Variants in GRIA3 observed in about 807,000 individuals in gnomAD.
The protein encoded by GRIA3 is glutamate ionotropic receptor AMPA type subunit 3.
In GRIA3, 3 loss-of-function variants were observed where a neutral mutation model predicts 63.0. The ratio of observed to expected loss-of-function variants is 0.05; its 90% CI spans 0.02 to 0.12. The LOEUF (loss-of-function observed/expected upper bound fraction) is 0.12, where lower values mean the gene tolerates loss of function less well. Among genes scored for constraint, GRIA3 ranks in the 10% least tolerant of loss-of-function variants. The pLI is 1.00. For synonymous variants in GRIA3, 274 were observed against 257.9 expected, an observed-to-expected ratio of 1.06 and a Z score of -0.60; for missense variants, 347 against 700.9, an observed-to-expected ratio of 0.50 and a Z score of 5.70.
chrX:123,388,405 C>T (rs1359811120), intron 5 of GRIA3, among the ~76,000 whole-genome samples: 1 of 110,791 alleles, frequency 9.0e-6, no homozygotes, highest in Admixed American at 9.6e-5. Flanking sequence ...GCCACCACAC[C>T]CAGCTAATTT....
Position 123,403,421 on chromosome X carries a change from TG to T in GRIA3, c.1197del (p.Trp399Ter). ...KVSGSRKAGY[W>X]NEYERFVPFS... ...TGTCTTCTCTTTCTAGGCTGGCTAC[TG>T]GAATGAGTATGAAAGGTTTGTGCCT... is the stretch of plus-strand genomic sequence containing the variant. On this transcript the variant is annotated frameshift_variant, in exon 9 of 16. Coordinates refer to ENST00000620443, the MANE Select transcript of GRIA3 (RefSeq NM_007325.5). LOFTEE classifies it high-confidence loss of function. 8.5e-7 allele frequency: 1 copy of T among 1,169,929 alleles called. No individual in the cohort carries two copies. Among genetic ancestry groups the T allele is most frequent in the Non-Finnish European group, 1.2e-6 (1 of 857,191 alleles).
At chrX:123,253,587 G>A (rs2044402994) in intron 3 of GRIA3, 45 bp downstream of exon 3, 5 of 1,124,217 alleles carry the variant, frequency 4.4e-6, no homozygotes, top group Non-Finnish European at 3.7e-6. Context: ...TCATGTAATT[G>A]TGTTCAAACT....
At chrX:123,475,804 G>A (rs148555051) in intron 13 of GRIA3, among the ~76,000 whole-genome samples, 3,552 of 111,453 alleles carry the variant, frequency 0.032, 71 homozygotes, top group African/African-American at 0.061. Flanking sequence ...GGAAAATAAA[G>A]TCATCACAAA....
intron 10 of GRIA3, among the ~76,000 whole-genome samples, chrX:123,407,508 G>A (rs1330160258): frequency 2.7e-5 from 3 of 110,549 alleles, no homozygotes; most frequent in African/African-American, 9.9e-5. Context: ...GCTCATAGAT[G>A]GTACCTTCTT....
intron 2 of GRIA3, among the ~76,000 whole-genome samples, chrX:123,210,723 T>G (rs770427440): frequency 8.9e-6 from 1 of 111,866 alleles, no homozygotes; most frequent in African/African-American, 3.2e-5. Flanking sequence ...TTCCAGTAAT[T>G]GATATAAGTG....
At chrX:123,412,993 T>C (rs2045515242) in intron 10 of GRIA3, among the ~76,000 whole-genome samples, 1 of 111,895 alleles carries the variant, frequency 8.9e-6, no homozygotes, top group South Asian at 3.7e-4. Context: ...AGATGATTCT[T>C]CCTGTTGTCT....
chrX:123,208,739 G>C (rs149750202), intron 2 of GRIA3, among the ~76,000 whole-genome samples: 1,391 of 111,999 alleles, frequency 0.012, 69 homozygotes, highest in Admixed American at 0.11. Flanking sequence ...AACACAGCTA[G>C]TCTAAGTAGT....
chrX:123,459,819 CA>C (rs10716553), intron 12 of GRIA3, among the ~76,000 whole-genome samples: 11,462 of 90,921 alleles, frequency 0.13, 1,189 homozygotes, highest in African/African-American at 0.35. Context: ...AGACAGAATG[CA>C]AAAAAAAAAA....
chrX:123,294,338 T>C (rs73551775), intron 3 of GRIA3, among the ~76,000 whole-genome samples: 2,351 of 111,170 alleles, frequency 0.021, 58 homozygotes, highest in African/African-American at 0.073. Flanking sequence ...AATAGGCAGA[T>C]AAAGGAAGAG....
intron 3 of GRIA3, among the ~76,000 whole-genome samples, chrX:123,298,880 C>CT (rs2044702521): frequency 9.0e-6 from 1 of 111,098 alleles, no homozygotes; most frequent in Admixed American, 9.6e-5. Flanking sequence ...ATATTTAAGT[C>CT]TTTTTTTCAT....
At chrX:123,406,625 A>G (rs1569431677) in intron 10 of GRIA3, among the ~76,000 whole-genome samples, 1 of 111,843 alleles carries the variant, frequency 8.9e-6, no homozygotes, top group Non-Finnish European at 1.9e-5. Flanking sequence ...CTCTAGTCAG[A>G]TGAACAGCAA....
intron 4 of GRIA3, among the ~76,000 whole-genome samples, chrX:123,350,635 C>T (rs775158730): frequency 8.9e-6 from 1 of 112,218 alleles, no homozygotes; most frequent in Non-Finnish European, 1.9e-5. Flanking sequence ...GATACCCAAC[C>T]CCCAGTTTCA....
intron 10 of GRIA3, among the ~76,000 whole-genome samples, chrX:123,409,907 T>C (rs2045496193): frequency 9.0e-6 from 1 of 111,383 alleles, no homozygotes; most frequent in South Asian, 3.8e-4. Flanking sequence ...CATGGTCTAG[T>C]GCTCTGTCCA....
At chrX:123,367,274 G>A (rs1015523949) in intron 5 of GRIA3, among the ~76,000 whole-genome samples, 1 of 110,957 alleles carries the variant, frequency 9.0e-6, no homozygotes, top group Non-Finnish European at 1.9e-5. Flanking sequence ...TTTTGTTTTC[G>A]GTAAAAATGC....
intron 2 of GRIA3, among the ~76,000 whole-genome samples, chrX:123,190,339 G>A (rs377260643): frequency 9.0e-6 from 1 of 111,218 alleles, no homozygotes; most frequent in African/African-American, 3.3e-5. Context: ...CTCACTTCTC[G>A]GCCCCTCTGG....
intron 11 of GRIA3, among the ~76,000 whole-genome samples, chrX:123,421,316 G>A (rs993843915): frequency 2.7e-5 from 3 of 111,762 alleles, no homozygotes; most frequent in Non-Finnish European, 5.6e-5. Flanking sequence ...TAGTGAAGAG[G>A]AAACATGTTT....
At chrX:123,259,482 T>C (rs1193852350) in intron 3 of GRIA3, among the ~76,000 whole-genome samples, 1 of 72,669 alleles carries the variant, frequency 1.4e-5, no homozygotes, top group Non-Finnish European at 2.6e-5. Flanking sequence ...TACGCCCTTT[T>C]CTTTCTCTCT....
intron 5 of GRIA3, among the ~76,000 whole-genome samples, chrX:123,388,750 TCTA>T (rs2045367729): frequency 8.9e-6 from 1 of 112,280 alleles, no homozygotes. Context: ...TTGCTTTCCT[TCTA>T]CTAATTTGGG....
chrX:123,390,552 T>C (rs1370047826), intron 5 of GRIA3, among the ~76,000 whole-genome samples: 1 of 112,066 alleles, frequency 8.9e-6, no homozygotes, highest in Non-Finnish European at 1.9e-5. Context: ...AGTGACTAGA[T>C]GCTTTTCTCT....
Sources: allele counts gnomAD v4.1 joint callset (sites outside exome capture counted in the v4.1 genomes callset), GRCh38; gene constraint gnomAD v4.1.1; transcripts MANE v1.5; gene names NCBI Gene and HGNC (gene_info 2026-07-23, HGNC 2026-07-21).